Variants in CPVL observed in about 807,000 individuals in gnomAD.
CPVL encodes the protein probable serine carboxypeptidase CPVL.
In CPVL, 51 loss-of-function variants were observed where a neutral mutation model predicts 63.7. The ratio of observed to expected loss-of-function variants is 0.80; its 90% CI spans 0.64 to 1.01. CPVL has a LOEUF of 1.01. Ranked by LOEUF, CPVL falls within the 50% of genes least tolerant of loss-of-function variation. The pLI, the probability that CPVL is intolerant of heterozygous loss-of-function variation, is 0.00. For synonymous variants in CPVL, 195 were observed against 206.0 expected (o/e 0.95, Z 0.46); for missense variants, 530 against 573.1 (o/e 0.92, Z 0.77).
intron 2 of CPVL, among the ~76,000 whole-genome samples, chr7:29,117,480 C>G (rs536533403): frequency 2.6e-5 from 4 of 152,344 alleles, no homozygotes; most frequent in African/African-American, 9.6e-5. Context: ...TTACGTAAAT[C>G]TTACCCGACA....
At chr7:29,061,806 C>T (rs1178678881) in intron 11 of CPVL, among the ~76,000 whole-genome samples, 1 of 151,968 alleles carries the variant, frequency 6.6e-6, no homozygotes, top group Non-Finnish European at 1.5e-5. Context: ...ATTAGCTGGG[C>T]ATGGTGGCAC....
At chr7:29,047,122 C>G (rs932464811) in intron 11 of CPVL, among the ~76,000 whole-genome samples, 8 of 152,100 alleles carry the variant, frequency 5.3e-5, no homozygotes, top group Non-Finnish European at 8.8e-5. Context: ...TTGCATACTA[C>G]TATGTGCTGG....
chr7:29,147,056 C>G, upstream of CPVL: 8 of 1,494,660 alleles, frequency 5.4e-6, no homozygotes, highest in Non-Finnish European at 7.2e-6. Flanking sequence ...TACCATTATA[C>G]CCATTTTGCA....
At position 29,139,495 on chromosome 7, in the gene CPVL, G is replaced by A. The variant is rs539548638; in HGVS notation, c.-11+6934C>T. ...AACCTACACATTTCTGTCAGTGTTCGTAAGACAACCTAAGAAACCTAAGAA... is the reference window on the plus strand; with the variant it reads ...AACCTACACATTTCTGTCAGTGTTCATAAGACAACCTAAGAAACCTAAGAA... On this transcript the variant is annotated intron_variant, in intron 1 of 12. Transcript: ENST00000265394. Among the ~76,000 whole-genome samples, 10 of 140,702 alleles carry A rather than the reference G, an allele frequency of 7.1e-5. No individual in the cohort carries two copies. The East Asian group carries it at 1.2e-3, about 17-fold the overall frequency. 92.3% of individuals were successfully genotyped at this position (140,702 alleles called of 152,430 possible).
chr7:29,152,119 C>T (rs1056721694), intron 5 of CPVL, among the ~76,000 whole-genome samples: 1 of 152,196 alleles, frequency 6.6e-6, no homozygotes, highest in Middle Eastern at 3.2e-3. Flanking sequence ...ACTCTATAGC[C>T]TCTGAAGGGT....
Position 29,146,490 on chromosome 7 carries a change from G to A in CPVL, c.-72C>T, listed in dbSNP as rs1050035127. 1.2e-5 allele frequency: 17 copies of A among 1,453,284 alleles called. No individual in the cohort carries two copies. The East Asian group carries it at 3.5e-4, about 30-fold the overall frequency. 90.0% of individuals were successfully genotyped at this position (1,453,284 alleles called of 1,614,324 possible). The stretch of plus-strand genomic sequence containing the variant: ...GCAAGGACCCCAGCCGGTTGTCCTT[G>A]CAGCGCTTCCCAAATCAGGCAGAAG... On this transcript the variant is annotated 5_prime_UTR_variant, in exon 1 of 13. Coordinates refer to ENST00000265394, the MANE Select transcript of CPVL (RefSeq NM_031311.5).
chr7:29,094,799 G>C (rs995255299), intron 5 of CPVL, among the ~76,000 whole-genome samples: 6 of 152,086 alleles, frequency 3.9e-5, no homozygotes, highest in African/African-American at 1.2e-4. Context: ...GGGAGGCGGA[G>C]GTTGCAGTGA....
At chr7:29,092,512 A>G (rs1006201558) in intron 6 of CPVL, 111 bp downstream of exon 6, 1 of 688,988 alleles carries the variant, frequency 1.5e-6, no homozygotes, top group Non-Finnish European at 2.6e-6. Flanking sequence ...ATCTTCAGGA[A>G]TTGGACTATA....
intron 7 of CPVL, among the ~76,000 whole-genome samples, chr7:29,075,519 T>TAA (rs10658501): frequency 0.61 from 78,808 of 128,732 alleles, 25,712 homozygotes; most frequent in South Asian, 0.69. Context: ...AGATACTTCT[T>TAA]AAAAAAAAAA....
chr7:29,091,778 C>T (rs147690722), intron 6 of CPVL, among the ~76,000 whole-genome samples: 7 of 152,144 alleles, frequency 4.6e-5, no homozygotes, highest in African/African-American at 1.4e-4. Flanking sequence ...CTTCTCTCCC[C>T]CCGGCCACCT....
At chr7:29,049,566 C>T (rs181054312) in intron 11 of CPVL, among the ~76,000 whole-genome samples, 21 of 152,174 alleles carry the variant, frequency 1.4e-4, no homozygotes, top group African/African-American at 2.6e-4. Flanking sequence ...GATAGATTTA[C>T]ACAGAATTCT....
At chr7:29,193,546 C>T (rs558680585) in intron 1 of CPVL, 6 of 152,316 alleles carry the variant, frequency 3.9e-5, no homozygotes, top group Non-Finnish European at 8.8e-5. Context: ...AATTTCTCTT[C>T]AAATTTCACA....
intron 1 of CPVL, among the ~76,000 whole-genome samples, chr7:29,191,026 C>G (rs1782824718): frequency 6.6e-6 from 1 of 151,898 alleles, no homozygotes; most frequent in Non-Finnish European, 1.5e-5. Flanking sequence ...CCTTGAACTT[C>G]TGGACTCAAG....
At chr7:29,139,963 A>T (rs977271788) in intron 1 of CPVL, among the ~76,000 whole-genome samples, 1 of 152,180 alleles carries the variant, frequency 6.6e-6, no homozygotes, top group African/African-American at 2.4e-5. Flanking sequence ...CCCTTTTGTC[A>T]AATACAGGGA....
chr7:29,005,650 C>G (rs991621599), intron 12 of CPVL, among the ~76,000 whole-genome samples: 1 of 152,178 alleles, frequency 6.6e-6, no homozygotes, highest in Non-Finnish European at 1.5e-5. Flanking sequence ...CCCTCTTCTT[C>G]CTACACAGAA....
chr7:29,096,021 T>C (rs946310186), intron 4 of CPVL, 82 bp downstream of exon 4: 2 of 1,051,800 alleles, frequency 1.9e-6, no homozygotes, highest in Non-Finnish European at 3.0e-6. Context: ...AGTGGTTCAG[T>C]GTTTACTCTA....
intron 11 of CPVL, among the ~76,000 whole-genome samples, chr7:29,049,660 T>C (rs992635370): frequency 9.9e-5 from 15 of 152,124 alleles, no homozygotes; most frequent in African/African-American, 3.4e-4. Flanking sequence ...CCCTAATCCA[T>C]TCTAGGAAAC....
chr7:29,130,236 C>T (rs191417411), intron 1 of CPVL, among the ~76,000 whole-genome samples: 16 of 152,270 alleles, frequency 1.1e-4, no homozygotes, highest in African/African-American at 3.9e-4. Flanking sequence ...CTTTAAGTTG[C>T]CTGGTAGGCG....
intron 3 of CPVL, among the ~76,000 whole-genome samples, chr7:29,104,146 T>C (rs968916344): frequency 6.6e-6 from 1 of 152,268 alleles, no homozygotes; most frequent in Admixed American, 6.5e-5. Flanking sequence ...AAGACATTCA[T>C]GTTTTTCAAA....
Sources: allele counts gnomAD v4.1 joint callset (sites outside exome capture counted in the v4.1 genomes callset), GRCh38; gene constraint gnomAD v4.1.1; transcripts MANE v1.5; gene names NCBI Gene and HGNC (gene_info 2026-07-23, HGNC 2026-07-21).